Variants in NEO1 observed in about 807,000 individuals in gnomAD.
The protein encoded by NEO1 is neogenin 1, also known as neogenin.
Under a neutral mutation model 159.7 loss-of-function variants are expected in NEO1, and 63 were observed. The ratio of observed to expected loss-of-function variants is 0.39; its 90% CI spans 0.32 to 0.49. The LOEUF (loss-of-function observed/expected upper bound fraction) is 0.49, where lower values mean the gene tolerates loss of function less well. Among genes scored for constraint, NEO1 ranks in the 20% least tolerant of loss-of-function variants. The probability of loss-of-function intolerance (pLI) is 0.85; values close to 1 mark genes in which losing one functional copy is unlikely to be tolerated. For synonymous variants in NEO1, 633 were observed against 662.0 expected, an observed-to-expected ratio of 0.96 and a Z score of 0.67; for missense variants, 1,615 against 1,831.0, an observed-to-expected ratio of 0.88 and a Z score of 2.15.
At chr15:73,111,142 C>T (rs1341374014) in intron 1 of NEO1, among the ~76,000 whole-genome samples, 3 of 152,190 alleles carry the variant, frequency 2.0e-5, no homozygotes, top group Non-Finnish European at 4.4e-5. Context: ...AGGGAGAAAA[C>T]AATGTTAACT....
chr15:73,194,309 T>C (rs1652125431), intron 7 of NEO1, among the ~76,000 whole-genome samples: 1 of 152,168 alleles, frequency 6.6e-6, no homozygotes, highest in Non-Finnish European at 1.5e-5. Context: ...TTTTATTCCC[T>C]AATGGCTTTG....
At position 73,183,165 on chromosome 15, in the gene NEO1, T is replaced by C. The variant is rs181868152; in HGVS notation, c.1291+4738T>C. 1.3e-3 allele frequency among the ~76,000 whole-genome samples: 199 copies of C among 152,176 alleles called. 1 individual carries two copies. Among genetic ancestry groups the C allele is most frequent in the East Asian group, 9.7e-4 (5 of 5,146 alleles). ...AGGAGACTACAGAAAGCCATCTCTG[T>C]GGTGTAGGGATGAAGGAAGTGATGA... On this transcript the variant is annotated intron_variant, in intron 7 of 28. Coordinates refer to ENST00000261908, the MANE Select transcript of NEO1 (RefSeq NM_002499.4).
intron 1 of NEO1, among the ~76,000 whole-genome samples, chr15:73,083,588 C>T (rs966734317): frequency 1.3e-5 from 2 of 152,016 alleles, no homozygotes; most frequent in African/African-American, 2.4e-5. Flanking sequence ...AGTCCCATTT[C>T]CCTTGTCTCC....
At chr15:73,208,502 A>G (rs895576105) in intron 7 of NEO1, among the ~76,000 whole-genome samples, 2 of 152,144 alleles carry the variant, frequency 1.3e-5, no homozygotes, top group Admixed American at 1.3e-4. Context: ...CTTATTTTAA[A>G]CTAAAATCTG....
chr15:73,102,537 T>G (rs533184817), intron 1 of NEO1, among the ~76,000 whole-genome samples: 33 of 152,318 alleles, frequency 2.2e-4, no homozygotes, highest in African/African-American at 5.8e-4. Context: ...CATCAGTGAC[T>G]TTCTCAATGT....
chr15:73,055,124 G>A (rs1285320386), intron 1 of NEO1, among the ~76,000 whole-genome samples: 2 of 152,142 alleles, frequency 1.3e-5, no homozygotes, highest in South Asian at 2.1e-4. Flanking sequence ...AGGAGGGTTG[G>A]AATTGAGTAG....
intron 7 of NEO1, among the ~76,000 whole-genome samples, chr15:73,196,148 C>T (rs2036522212): frequency 6.6e-6 from 1 of 152,146 alleles, no homozygotes; most frequent in Non-Finnish European, 1.5e-5. Flanking sequence ...AGAAGGCTAT[C>T]TTTTTTCTGG....
intron 4 of NEO1, among the ~76,000 whole-genome samples, chr15:73,128,620 T>C (rs2030653638): frequency 6.6e-6 from 1 of 152,102 alleles, no homozygotes; most frequent in Non-Finnish European, 1.5e-5. Context: ...AAGAGTCAGA[T>C]AATAAGTAAA....
chr15:73,159,225 C>G (rs567048982), intron 5 of NEO1, among the ~76,000 whole-genome samples: 2 of 152,168 alleles, frequency 1.3e-5, no homozygotes, highest in Admixed American at 6.5e-5. Context: ...TTACCAAAAC[C>G]CAGAAAAAAC....
chr15:73,268,526 C>T (rs1160823121), intron 16 of NEO1, among the ~76,000 whole-genome samples: 2 of 152,156 alleles, frequency 1.3e-5, no homozygotes, highest in African/African-American at 4.8e-5. Flanking sequence ...ATAATGTATG[C>T]TACTCCTCTG....
chr15:73,251,976 A>G (rs1179420039), intron 11 of NEO1, among the ~76,000 whole-genome samples: 3 of 152,236 alleles, frequency 2.0e-5, no homozygotes, highest in African/African-American at 7.2e-5. Flanking sequence ...ATGATGACAG[A>G]TATGTTGGAT....
At chr15:73,254,218 C>T (rs980579781) in intron 12 of NEO1, among the ~76,000 whole-genome samples, 5 of 151,838 alleles carry the variant, frequency 3.3e-5, no homozygotes, top group African/African-American at 7.3e-5. Flanking sequence ...CTATAGGGCT[C>T]CTTTTTTTTT....
intron 7 of NEO1, among the ~76,000 whole-genome samples, chr15:73,187,264 T>G (rs977348186): frequency 9.2e-5 from 14 of 152,202 alleles, no homozygotes; most frequent in Admixed American, 2.6e-4. Context: ...ATCTGTAGTT[T>G]GTAGTTCTCC....
chr15:73,163,782 A>T (rs1255012152), intron 5 of NEO1, among the ~76,000 whole-genome samples: 2 of 152,188 alleles, frequency 1.3e-5, no homozygotes, highest in Non-Finnish European at 2.9e-5. Flanking sequence ...GCTGTAACAT[A>T]TGCTTTAGAC....
intron 7 of NEO1, among the ~76,000 whole-genome samples, chr15:73,187,377 G>T (rs1478773750): frequency 2.6e-5 from 4 of 151,926 alleles, no homozygotes; most frequent in Non-Finnish European, 5.9e-5. Flanking sequence ...TCATTCTCCT[G>T]CTCCCTGTTT....
At chr15:73,111,950 A>G (rs2071017739) in intron 1 of NEO1, among the ~76,000 whole-genome samples, 1 of 152,072 alleles carries the variant, frequency 6.6e-6, no homozygotes, top group Non-Finnish European at 1.5e-5. Context: ...AGTATTTATA[A>G]GTGGATTATA....
intron 1 of NEO1, among the ~76,000 whole-genome samples, chr15:73,094,469 G>A (rs913253630): frequency 1.1e-4 from 16 of 152,142 alleles, no homozygotes; most frequent in Non-Finnish European, 1.6e-4. Context: ...ATTAGTTGAA[G>A]GACATTGGTT....
intron 4 of NEO1, among the ~76,000 whole-genome samples, chr15:73,133,847 G>A (rs2031433832): frequency 6.6e-6 from 1 of 152,210 alleles, no homozygotes. Flanking sequence ...TTTAAAGGGA[G>A]TAAAATCAAT....
In NEO1 at chr15:73,078,863, A is replaced by T. The variant is rs9972372; in HGVS notation, c.130+26058A>T. 1.8e-3 allele frequency among the ~76,000 whole-genome samples: 271 copies of T among 152,244 alleles called. 1 individual carries two copies. The highest frequency in any genetic ancestry group is 6.4e-3 in the African/African-American group (264 of 41,522). On this transcript the variant is annotated intron_variant, in intron 1 of 28. Transcript: ENST00000261908. ...CTGGAGATTTTTAAAAAGTGTGTTGATATAGTAAGTCATTTAATCTGTGGT... is the reference window on the plus strand; with the variant it reads ...CTGGAGATTTTTAAAAAGTGTGTTGTTATAGTAAGTCATTTAATCTGTGGT...
Sources: allele counts gnomAD v4.1 joint callset (sites outside exome capture counted in the v4.1 genomes callset), GRCh38; gene constraint gnomAD v4.1.1; transcripts MANE v1.5; gene names NCBI Gene and HGNC (gene_info 2026-07-23, HGNC 2026-07-21).